Variants in PINX1 observed in about 807,000 individuals in gnomAD.
The protein encoded by PINX1 is PIN2 (TERF1) interacting telomerase inhibitor 1.
PINX1 carries 34 observed loss-of-function variants against 25.4 expected under a neutral mutation model. The ratio of observed to expected loss-of-function variants is 1.34; its 90% CI spans 1.02 to 1.78. The LOEUF is 1.78. Among genes scored for constraint, PINX1 ranks in the 40% most tolerant of loss-of-function variants. PINX1 has a pLI of 0.00. For synonymous variants in PINX1, 197 were observed against 147.7 expected, an observed-to-expected ratio of 1.33 and a Z score of -2.42; for missense variants, 592 against 404.9, an observed-to-expected ratio of 1.46 and a Z score of -3.97.
At chr8:10,818,237 T>C (rs1797759429) in intron 6 of PINX1, among the ~76,000 whole-genome samples, 1 of 152,182 alleles carries the variant, frequency 6.6e-6, no homozygotes, top group South Asian at 2.1e-4. Context: ...TCAAGGTTGA[T>C]CATCTCTACA....
intron 6 of PINX1, among the ~76,000 whole-genome samples, chr8:10,794,613 G>A (rs899626552): frequency 3.3e-5 from 5 of 152,072 alleles, no homozygotes; most frequent in African/African-American, 1.2e-4. Flanking sequence ...TTTTAGTAGA[G>A]ACGGGGTTTC....
At chr8:10,793,140 T>C (rs530206216) in intron 6 of PINX1, among the ~76,000 whole-genome samples, 2 of 152,346 alleles carry the variant, frequency 1.3e-5, no homozygotes, top group African/African-American at 2.4e-5. Context: ...GATCTTCCGC[T>C]TGAGGTGCTT....
intron 5 of PINX1, among the ~76,000 whole-genome samples, chr8:10,825,661 G>C (rs572733761): frequency 6.6e-6 from 1 of 152,312 alleles, no homozygotes; most frequent in South Asian, 2.1e-4. Context: ...TGCCTACGCT[G>C]TGAAATGGAG....
chr8:10,816,227 T>C (rs565929156), intron 6 of PINX1, among the ~76,000 whole-genome samples: 1 of 152,352 alleles, frequency 6.6e-6, no homozygotes, highest in African/African-American at 2.4e-5. Context: ...GCCAATTTCC[T>C]GGTTTCATCA....
At chr8:10,825,435 C>G (rs1276992171) in intron 5 of PINX1, 1 of 534,806 alleles carries the variant, frequency 1.9e-6, no homozygotes, top group East Asian at 5.4e-5. Context: ...GTTTCTAATT[C>G]ATGATACTGT....
chr8:10,771,207 T>C (rs1185983876), intron 6 of PINX1: 3 of 152,216 alleles, frequency 2.0e-5, no homozygotes, highest in African/African-American at 7.2e-5. Context: ...ATGAAGTGAC[T>C]GTGTGTGACT....
intron 6 of PINX1, among the ~76,000 whole-genome samples, chr8:10,798,626 G>C (rs1466673648): frequency 6.6e-6 from 1 of 152,176 alleles, no homozygotes; most frequent in African/African-American, 2.4e-5. Context: ...AAGTCTCTTG[G>C]CAGTAAGCCA....
At chr8:10,797,025 C>A (rs1476854550) in intron 6 of PINX1, among the ~76,000 whole-genome samples, 3 of 151,972 alleles carry the variant, frequency 2.0e-5, no homozygotes. Flanking sequence ...GAAGAAACAG[C>A]CCCACAGCTT....
intron 3 of PINX1, 80 bp downstream of exon 3, chr8:10,832,812 G>T: frequency 1.3e-6 from 1 of 788,922 alleles, no homozygotes; most frequent in Non-Finnish European, 2.2e-6. Flanking sequence ...GTCAGAAGCA[G>T]ATGAACCAAT....
intron 6 of PINX1, among the ~76,000 whole-genome samples, chr8:10,768,224 C>G (rs939808422): frequency 6.6e-6 from 1 of 152,230 alleles, no homozygotes; most frequent in Non-Finnish European, 1.5e-5. Flanking sequence ...TTTCGCAGCA[C>G]TACAGGAGCC....
At chr8:10,807,601 G>T (rs1280757751) in intron 6 of PINX1, among the ~76,000 whole-genome samples, 2 of 152,066 alleles carry the variant, frequency 1.3e-5, no homozygotes. Flanking sequence ...AAAACCTTCT[G>T]AAAATGAGAT....
intron 6 of PINX1, among the ~76,000 whole-genome samples, chr8:10,816,080 C>T (rs1314610405): frequency 6.6e-6 from 1 of 152,080 alleles, no homozygotes; most frequent in Admixed American, 6.5e-5. Context: ...GAGGGGTATG[C>T]AACTATGATT....
chr8:10,819,935 C>A (rs1459312653), intron 6 of PINX1, among the ~76,000 whole-genome samples: 2 of 152,194 alleles, frequency 1.3e-5, no homozygotes, highest in Non-Finnish European at 1.5e-5. Flanking sequence ...CAAGTTTAAT[C>A]TAGTCCTCAC....
chr8:10,818,450 T>C (rs1797767458), intron 6 of PINX1, among the ~76,000 whole-genome samples: 1 of 152,158 alleles, frequency 6.6e-6, no homozygotes, highest in Non-Finnish European at 1.5e-5. Context: ...AAACCTCTGA[T>C]CTCTTACAAC....
intron 6 of PINX1, among the ~76,000 whole-genome samples, chr8:10,815,003 G>A (rs1563227265): frequency 6.6e-6 from 1 of 152,170 alleles, no homozygotes; most frequent in Non-Finnish European, 1.5e-5. Context: ...GCGATGGCGT[G>A]ATGATAGCTC....
At position 10,809,810 on chromosome 8, in the gene PINX1, A is replaced by G. The variant is rs550819834; in HGVS notation, c.471+10383T>C. Among the ~76,000 whole-genome samples, 6 of 152,360 alleles carry G rather than the reference A, an allele frequency of 3.9e-5. No homozygotes were observed. The South Asian group carries it at 1.2e-3, about 32-fold the overall frequency. Reference sequence around the variant, plus strand: ...CATCACCATCCTCGTTCATCATTCTAATTTTATGAATCTTCGAAGTTGTGT... The same window carrying G: ...CATCACCATCCTCGTTCATCATTCTGATTTTATGAATCTTCGAAGTTGTGT... On this transcript the variant is annotated intron_variant, in intron 6 of 6. Coordinates refer to ENST00000314787, the MANE Select transcript of PINX1 (RefSeq NM_017884.6).
intron 6 of PINX1, among the ~76,000 whole-genome samples, chr8:10,810,143 C>A (rs1213225774): frequency 6.6e-6 from 1 of 152,216 alleles, no homozygotes; most frequent in African/African-American, 2.4e-5. Flanking sequence ...GCCCCAACAA[C>A]ACAAACACCT....
At chr8:10,813,159 T>C (rs181182934) in intron 6 of PINX1, among the ~76,000 whole-genome samples, 1 of 152,334 alleles carries the variant, frequency 6.6e-6, no homozygotes, top group East Asian at 1.9e-4. Flanking sequence ...GGCTTGTTTG[T>C]GGGCTTATAG....
intron 6 of PINX1, among the ~76,000 whole-genome samples, chr8:10,818,240 T>C (rs1425407453): frequency 2.0e-5 from 3 of 152,146 alleles, no homozygotes. Flanking sequence ...AGGTTGATCA[T>C]CTCTACACAC....
Sources: allele counts gnomAD v4.1 joint callset (sites outside exome capture counted in the v4.1 genomes callset), GRCh38; gene constraint gnomAD v4.1.1; transcripts MANE v1.5; gene names NCBI Gene and HGNC (gene_info 2026-07-23, HGNC 2026-07-21).